Variants in CFAP70 observed in about 807,000 individuals in gnomAD.
CFAP70 encodes the protein cilia and flagella associated protein 70, also known as cilia- and flagella-associated protein 70.
CFAP70 carries 81 observed loss-of-function variants against 137.6 expected under a neutral mutation model. The observed-to-expected ratio is 0.59, with a 90% CI of 0.49 to 0.71. The LOEUF (loss-of-function observed/expected upper bound fraction) is 0.71, where lower values mean the gene tolerates loss of function less well. Among genes scored for constraint, CFAP70 ranks in the 30% least tolerant of loss-of-function variants. CFAP70 has a pLI of 0.00. For missense variants in CFAP70, 976 were observed against 1,226.7 expected (o/e 0.80, Z 3.05); for synonymous variants, 382 against 423.6 (o/e 0.90, Z 1.20).
chr10:73,270,924 A>G (rs1209286770), intron 24 of CFAP70, among the ~76,000 whole-genome samples: 1 of 152,142 alleles, frequency 6.6e-6, no homozygotes, highest in Admixed American at 6.5e-5. Context: ...ACTTTGGCCC[A>G]CACTTTGAAG....
chr10:73,256,534 C>G (rs2044514136), intron 25 of CFAP70, 118 bp from the exon 27 acceptor site: 1 of 960,938 alleles, frequency 1.0e-6, no homozygotes. Context: ...TCTACACCTT[C>G]CAGTTAAGAA....
chr10:73,324,942 T>C (rs1157422143), intron 8 of CFAP70, among the ~76,000 whole-genome samples: 2 of 152,102 alleles, frequency 1.3e-5, no homozygotes, highest in Non-Finnish European at 2.9e-5. Context: ...ACTTCCCCAA[T>C]CTAGCAAGGC....
chr10:73,307,806 C>T (rs1321868999), intron 12 of CFAP70, among the ~76,000 whole-genome samples: 1 of 151,920 alleles, frequency 6.6e-6, no homozygotes, highest in Non-Finnish European at 1.5e-5. Flanking sequence ...CAATACTCTA[C>T]TTTCAATAAT....
At chr10:73,334,042 G>A (rs759564402) in intron 7 of CFAP70, among the ~76,000 whole-genome samples, 61 of 152,158 alleles carry the variant, frequency 4.0e-4, no homozygotes, top group African/African-American at 1.2e-3. Flanking sequence ...TTTTCTGCTC[G>A]ATTTTTCTGT....
Position 73,274,516 on chromosome 10 carries a change from G to A in CFAP70, c.2752C>T (p.Arg918Ter), listed in dbSNP as rs199971858. ...GCATCCACTACAAAGCTAATGGTTC[G>A]TTCATAGCATGCCTTGGCCTCAGAA... The change falls in exon 23 of 27, where the codon CGA (arginine) becomes TGA (stop). Residue 918 changes from arginine (R) to a stop codon, truncating the protein, a stop_gained. Transcript: ENST00000310715. LOFTEE classifies it high-confidence loss of function. 5.7e-5 allele frequency: 92 copies of A among 1,614,018 alleles called. No homozygotes were observed. The highest frequency in any genetic ancestry group is 7.2e-5 in the Non-Finnish European group (85 of 1,180,032).
chr10:73,284,745 T>C (rs1217495293), intron 19 of CFAP70, among the ~76,000 whole-genome samples: 5 of 2,448 alleles, frequency 2.0e-3, no homozygotes, highest in East Asian at 8.8e-3. Flanking sequence ...GCCACATATA[T>C]ATATATATAT....
chr10:73,266,336 A>C (rs2045768995), intron 25 of CFAP70, among the ~76,000 whole-genome samples: 1 of 152,182 alleles, frequency 6.6e-6, no homozygotes, highest in Non-Finnish European at 1.5e-5. Context: ...CCTGACTAGT[A>C]ACCATCATTG....
At chr10:73,353,241 A>G (rs181335832) in intron 3 of CFAP70, among the ~76,000 whole-genome samples, 1 of 152,132 alleles carries the variant, frequency 6.6e-6, no homozygotes, top group African/African-American at 2.4e-5. Flanking sequence ...TGGGGAGGTG[A>G]TCTCAGTCTC....
chr10:73,301,679 T>TAATAA (rs2048967434), intron 12 of CFAP70, among the ~76,000 whole-genome samples: 1 of 152,194 alleles, frequency 6.6e-6, no homozygotes, highest in Admixed American at 6.5e-5. Context: ...GGGGTAATGA[T>TAATAA]AGTATATATA....
At chr10:73,351,502 C>T (rs1424829622) in intron 3 of CFAP70, among the ~76,000 whole-genome samples, 1 of 151,702 alleles carries the variant, frequency 6.6e-6, no homozygotes, top group African/African-American at 2.4e-5. Context: ...GGTATGATCT[C>T]GGCTCACTGT....
chr10:73,304,497 TTA>T (rs1400362464), intron 12 of CFAP70, among the ~76,000 whole-genome samples: 1 of 152,214 alleles, frequency 6.6e-6, no homozygotes, highest in Admixed American at 6.5e-5. Context: ...TTATTAATAA[TTA>T]TGTGTAAAAA....
At chr10:73,347,974 A>G (rs2053862406) in intron 4 of CFAP70, among the ~76,000 whole-genome samples, 182 bp downstream of exon 5, 1 of 152,188 alleles carries the variant, frequency 6.6e-6, no homozygotes, top group Non-Finnish European at 1.5e-5. Flanking sequence ...TGATATGTAG[A>G]CTGTGGGCTT....
intron 3 of CFAP70, among the ~76,000 whole-genome samples, chr10:73,353,041 G>A (rs571210583): frequency 1.3e-5 from 2 of 152,314 alleles, no homozygotes; most frequent in South Asian, 4.1e-4. Flanking sequence ...TTATCGCTTA[G>A]AATGTGGCCA....
In CFAP70 at chr10:73,341,502, C is replaced by T; in HGVS notation, c.479G>A (p.Trp160Ter). Residue 160 changes from tryptophan (W) to a stop codon, truncating the protein, a stop_gained, in exon 6 of 27, where the codon TGG becomes TAG. Transcript: ENST00000310715. LOFTEE classifies it high-confidence loss of function. ...TGGAGCCAGAATGTTGGCAATTGGCCACTTTTTGGGCCGGGGAACAGGTTC... is the reference window on the plus strand; with the variant it reads ...TGGAGCCAGAATGTTGGCAATTGGCTACTTTTTGGGCCGGGGAACAGGTTC... The T allele has an allele frequency of 6.2e-7, 1 of 1,614,210 alleles. No individual in the cohort carries two copies. The highest frequency in any genetic ancestry group is 8.5e-7 in the Non-Finnish European group (1 of 1,180,042).
chr10:73,347,706 A>C (rs79985020), intron 4 of CFAP70, among the ~76,000 whole-genome samples: 6,479 of 152,252 alleles, frequency 0.043, 395 homozygotes, highest in African/African-American at 0.13. Context: ...GTAGGTGCTT[A>C]TAAAGTCTGA....
At chr10:73,316,534 TG>T (rs2050401817) in intron 9 of CFAP70, among the ~76,000 whole-genome samples, 4 of 146,946 alleles carry the variant, frequency 2.7e-5, no homozygotes. Flanking sequence ...TAAATATATA[TG>T]TATATATAAT....
At chr10:73,336,395 T>G (rs12249585) in intron 6 of CFAP70, among the ~76,000 whole-genome samples, 3 of 152,016 alleles carry the variant, frequency 2.0e-5, no homozygotes, top group Admixed American at 6.6e-5. Context: ...ATCACAATGA[T>G]GAGAAAAGAT....
chr10:73,282,650 C>G (rs1253302766), intron 19 of CFAP70, among the ~76,000 whole-genome samples: 1 of 151,978 alleles, frequency 6.6e-6, no homozygotes, highest in Non-Finnish European at 1.5e-5. Flanking sequence ...ATCTGCCTCC[C>G]TCGGCCTCCC....
intron 3 of CFAP70, among the ~76,000 whole-genome samples, chr10:73,349,971 T>C (rs1332997834): frequency 6.6e-6 from 1 of 152,228 alleles, no homozygotes; most frequent in Non-Finnish European, 1.5e-5. Context: ...ATCTAGCAAG[T>C]GTGTGATAAT....
Sources: allele counts gnomAD v4.1 joint callset (sites outside exome capture counted in the v4.1 genomes callset), GRCh38; gene constraint gnomAD v4.1.1; transcripts MANE v1.5; gene names NCBI Gene and HGNC (gene_info 2026-07-23, HGNC 2026-07-21).